The following HDLBP variants were observed in gnomAD, a reference collection of about 807,000 sequenced individuals.
The protein encoded by HDLBP is high density lipoprotein binding protein, also known as vigilin.
A neutral mutation model predicts 137.3 loss-of-function variants in HDLBP; 30 were observed. The ratio of observed to expected loss-of-function variants is 0.22; its 90% CI spans 0.16 to 0.30. The LOEUF is 0.30. Among genes scored for constraint, HDLBP ranks in the 10% least tolerant of loss-of-function variants. The pLI is 1.00. For missense variants in HDLBP, 1,119 were observed against 1,667.3 expected, an observed-to-expected ratio of 0.67 and a Z score of 5.73; for synonymous variants, 606 against 596.0, an observed-to-expected ratio of 1.02 and a Z score of -0.24.
chr2:241,273,493 C>T lies in HDLBP; in HGVS notation c.-102-4952G>A, dbSNP rs977315917. On this transcript the variant is annotated intron_variant, in intron 1 of 27. Transcript: ENST00000310931. ...ACGCAGGACTGGGCGGAACGGAATC[C>T]CTACTCTCGGGGTCTCCACCCTCCG... 2.3e-5 allele frequency: 16 copies of T among 690,486 alleles called. No homozygotes were observed. In the African/African-American group the frequency reaches 2.5e-4, roughly 11 times the overall value. The allele number at this position is 690,486 out of a possible 1,614,324, so 42.8% of individuals were successfully genotyped here.
intron 1 of HDLBP, among the ~76,000 whole-genome samples, chr2:241,312,571 C>A (rs551172598): frequency 6.6e-6 from 1 of 152,190 alleles, no homozygotes; most frequent in South Asian, 2.1e-4. Context: ...AACCTTTACA[C>A]GCATTTTGGA....
At chr2:241,306,789 G>A (rs754033631) in intron 1 of HDLBP, among the ~76,000 whole-genome samples, 4 of 151,720 alleles carry the variant, frequency 2.6e-5, no homozygotes, top group Non-Finnish European at 5.9e-5. Context: ...GGCTGAGGCA[G>A]GAGAATTGCT....
intron 1 of HDLBP, among the ~76,000 whole-genome samples, chr2:241,283,471 C>CTT (rs1336705023): frequency 1.3e-5 from 2 of 150,490 alleles, no homozygotes; most frequent in Non-Finnish European, 3.0e-5. Flanking sequence ...AGCTAGATGG[C>CTT]TTCTTTTTTT....
At chr2:241,305,961 C>T (rs1010492850) in intron 1 of HDLBP, among the ~76,000 whole-genome samples, 1 of 151,870 alleles carries the variant, frequency 6.6e-6, no homozygotes. Flanking sequence ...GGGGTCTCAC[C>T]GTGTTAGCCA....
At position 241,255,523 on chromosome 2, in the gene HDLBP, T is replaced by G. The variant is rs2072545045; in HGVS notation, c.931A>C (p.Ile311Leu). Residue 311 changes from isoleucine to leucine, a missense_variant, in exon 8 of 28, where the codon ATT (isoleucine) becomes CTT (leucine). Ile to Leu is a conservative substitution (Grantham distance 5). This residue lies in a region of HDLBP where 425 missense variants were observed against 693.9 expected (regional missense o/e 0.61). Transcript: ENST00000310931. ...TGCAATGAATTGCCCTTGGGCCCAA[T>G]GACATACTTGTGTTGGGATTTCTTC... is the stretch of plus-strand genomic sequence containing the variant. ...EVKKSQHKYV[I>L]GPKGNSLQEI... 1.2e-6 allele frequency: 2 copies of G among 1,613,978 alleles called. No homozygotes were observed. The highest frequency in any genetic ancestry group is 1.7e-6 in the Non-Finnish European group (2 of 1,179,826).
chr2:241,268,324 A>C, intron 2 of HDLBP, 153 bp downstream of exon 2: 1 of 255,758 alleles, frequency 3.9e-6, no homozygotes, highest in African/African-American at 2.3e-5. Flanking sequence ...TGGGAGGTGA[A>C]GCTATGGAGA....
At chr2:241,248,985 G>C (rs1463170483) in intron 12 of HDLBP, among the ~76,000 whole-genome samples, 1 of 152,122 alleles carries the variant, frequency 6.6e-6, no homozygotes, top group Non-Finnish European at 1.5e-5. Flanking sequence ...GGCTGACAGA[G>C]AAGTAAGGGC....
At chr2:241,278,475 T>C (rs934115110) in intron 1 of HDLBP, among the ~76,000 whole-genome samples, 1 of 151,844 alleles carries the variant, frequency 6.6e-6, no homozygotes, top group Non-Finnish European at 1.5e-5. Flanking sequence ...CCCAGCTACT[T>C]GGGAGGCTGA....
chr2:241,256,423 T>C (rs1320882590), intron 6 of HDLBP, 24 bp from the exon 7 acceptor site: 1 of 1,585,040 alleles, frequency 6.3e-7, no homozygotes, highest in Admixed American at 1.7e-5. Flanking sequence ...GATGATCTGA[T>C]GAGAACAGGC....
intron 1 of HDLBP, among the ~76,000 whole-genome samples, chr2:241,291,315 C>T (rs547454112): frequency 5.7e-4 from 87 of 152,242 alleles, no homozygotes; most frequent in Admixed American, 1.1e-3. Flanking sequence ...AAGCAGAACA[C>T]GGACGAGGTA....
In HDLBP at chr2:241,240,212, G is replaced by A. The variant is rs752564989; in HGVS notation, c.2170-90C>T. 53 of 1,273,722 alleles carry A rather than the reference G, an allele frequency of 4.2e-5. No individual in the cohort carries two copies. Among genetic ancestry groups the A allele is most frequent in the Admixed American group, 1.5e-4 (9 of 59,054 alleles). 78.9% of individuals were successfully genotyped at this position (1,273,722 alleles called of 1,614,324 possible). ...AGAGGGTCTGTAGGACAGCAAGCTC[G>A]GGCTCCCCTTACATTGTCACCAGTG... is the stretch of plus-strand genomic sequence containing the variant. On this transcript the variant is annotated intron_variant, in intron 17 of 27. Coordinates refer to ENST00000310931, the MANE Select transcript of HDLBP (RefSeq NM_005336.6). The surrounding 1 kb of genome is among the most constrained non-coding windows in gnomAD (Gnocchi z 5.5).
chr2:241,263,014 CCA>C (rs2073325312), intron 4 of HDLBP, 88 bp from the exon 5 acceptor site: 1 of 1,029,938 alleles, frequency 9.7e-7, no homozygotes, highest in South Asian at 1.5e-5. Flanking sequence ...TCATCACCAT[CCA>C]CTCACAAAGC....
At chr2:241,273,009 G>A (rs1390754617) in intron 1 of HDLBP, 37 of 985,088 alleles carry the variant, frequency 3.8e-5, no homozygotes, top group Non-Finnish European at 4.3e-5. Context: ...GGGGAAGGCG[G>A]TGCCGAGGAG....
At chr2:241,285,529 T>C (rs1157661811) in intron 1 of HDLBP, among the ~76,000 whole-genome samples, 1 of 152,208 alleles carries the variant, frequency 6.6e-6, no homozygotes, top group Non-Finnish European at 1.5e-5. Flanking sequence ...GAGTGCCTTC[T>C]AGTGTGCCCT....
rs941124184 is a variant in HDLBP at position 241,234,215 on chromosome 2, C to G, written c.3145-252G>C. Reference sequence around the variant, plus strand: ...TCAAAAGAGGGCTTGGGACCACTTGCGAGGATCGTGCTCAGGAACTGACAG... The same window carrying G: ...TCAAAAGAGGGCTTGGGACCACTTGGGAGGATCGTGCTCAGGAACTGACAG... On this transcript the variant is annotated intron_variant, in intron 23 of 27. Transcript: ENST00000310931. Among the ~76,000 whole-genome samples the G allele has an allele frequency of 2.0e-5, 3 of 152,204 alleles. No homozygotes were observed. The South Asian group carries it at 6.2e-4, about 32-fold the overall frequency.
At chr2:241,300,329 C>CA (rs1227695715) in intron 1 of HDLBP, among the ~76,000 whole-genome samples, 5 of 152,300 alleles carry the variant, frequency 3.3e-5, no homozygotes, top group South Asian at 2.1e-4. Context: ...AGGCAAAACT[C>CA]AGACACTAGG....
At position 241,272,801 on chromosome 2, in the gene HDLBP, G is replaced by GC. The variant is rs994194487; in HGVS notation, c.-102-4261dup. ...CGCTGGTCCTGCCGCTGGCTTACTC[G>GC]CCCCCCGCGCGGGAGAAGCCGGGAC... On this transcript the variant is annotated intron_variant, in intron 1 of 27. Transcript: ENST00000310931. This position sits in a 1 kb window ranked among gnomAD's most constrained non-coding sequence, Gnocchi z 5.6. The GC allele has an allele frequency of 1.7e-4, 48 of 274,526 alleles. No individual in the cohort carries two copies. The highest frequency in any genetic ancestry group is 2.1e-4 in the Non-Finnish European group (38 of 181,642). 17.0% of individuals were successfully genotyped at this position (274,526 alleles called of 1,614,324 possible).
rs751558970 is a variant in HDLBP, at chr2:241,238,734, G to A, written c.2664C>T (p.Val888=). The A allele has an allele frequency of 1.3e-6, 2 of 1,581,394 alleles. No homozygotes were observed. Among genetic ancestry groups the A allele is most frequent in the East Asian group, 2.3e-5 (1 of 43,892 alleles). Residue 888 remains valine, a synonymous_variant, in exon 20 of 28, where the codon GTC becomes GTT. Coordinates refer to ENST00000310931, the MANE Select transcript of HDLBP (RefSeq NM_005336.6). This position sits in a 1 kb window ranked among gnomAD's most constrained non-coding sequence, Gnocchi z 4.9. ...CAIPQKFHRS[V]MGPKGSRIQQ... ...GGATTCTGGAACCTTTGGGGCCCAT[G>A]ACAGATCGATGGAATTTCTGGGGTA...
chr2:241,243,476 A>T (rs1272208607), intron 16 of HDLBP: 1 of 152,026 alleles, frequency 6.6e-6, no homozygotes, highest in Non-Finnish European at 1.5e-5. Flanking sequence ...GCTCAGTTGG[A>T]GCCTGGTACA....
Sources: gnomAD v4.1 joint callset for allele counts (sites outside exome capture counted in the v4.1 genomes callset) on GRCh38, gnomAD v4.1.1 for gene constraint, gnomAD v4.1.1 regional missense constraint, Gnocchi (gnomAD v3.1) non-coding constraint, MANE v1.5 for transcripts, NCBI Gene and HGNC (gene_info 2026-07-23, HGNC 2026-07-21) for gene names.